WDR62: variants seen among roughly 807,000 people sequenced by gnomAD.
WDR62 encodes WD repeat domain 62, also known as WD repeat-containing protein 62.
Under a neutral mutation model 160.6 loss-of-function variants are expected in WDR62, and 112 were observed. The observed-to-expected ratio is 0.70, with a 90% CI of 0.60 to 0.82. The LOEUF is 0.82. WDR62 is among the 40% of genes least tolerant of loss of function. The pLI is 0.00. For missense variants in WDR62, 1,819 were observed against 1,983.8 expected (o/e 0.92, Z 1.58); for synonymous variants, 792 against 815.1 (o/e 0.97, Z 0.48).
rs186862777 is a variant in WDR62 at position 36,059,917 on chromosome 19, A to T, written c.270-51A>T. The stretch of plus-strand genomic sequence containing the variant: ...TTTCTGGTGGGAATAGAATCATCCC[A>T]GGACCCCAACACTCCCCACAGTTGA... On this transcript the variant is annotated intron_variant, in intron 2 of 31. Coordinates refer to ENST00000401500, the MANE Select transcript of WDR62 (RefSeq NM_001083961.2). The T allele has an allele frequency of 5.5e-5, 87 of 1,596,328 alleles. No individual in the cohort carries two copies. In the Middle Eastern group the frequency reaches 1.5e-3, roughly 27 times the overall value.
At position 36,084,700 on chromosome 19, in the gene WDR62, A is replaced by G. The variant is rs1972100904; in HGVS notation, c.1598A>G (p.His533Arg). 3 of 1,613,840 alleles carry G rather than the reference A, an allele frequency of 1.9e-6. No individual in the cohort carries two copies. Among genetic ancestry groups the G allele is most frequent in the South Asian group, 1.1e-5 (1 of 91,082 alleles). The change falls in exon 12 of 32, where the codon CAT becomes CGT. Residue 533 changes from histidine (H) to arginine (R), a missense_variant. Coordinates refer to ENST00000401500, the MANE Select transcript of WDR62 (RefSeq NM_001083961.2). ...FMDELVKVEAHDAEVLCLEYS... is the reference protein window; with the variant it reads ...FMDELVKVEARDAEVLCLEYS... Reference sequence around the variant, plus strand: ...GACGAGCTGGTCAAGGTGGAGGCCCATGATGCTGAGGTGCTGTGCCTGGAG... The same window carrying G: ...GACGAGCTGGTCAAGGTGGAGGCCCGTGATGCTGAGGTGCTGTGCCTGGAG...
rs776948954 is a variant in WDR62, at chr19:36,068,003, A to C, written c.875A>C (p.Asn292Thr). The C allele has an allele frequency of 1.8e-5, 29 of 1,613,522 alleles. No individual in the cohort carries two copies. The East Asian group carries it at 6.2e-4, about 35-fold the overall frequency. The change falls in exon 7 of 32, where the codon AAC becomes ACC. Residue 292 changes from asparagine (N) to threonine (T), a missense_variant. Asn to Thr is a moderately conservative substitution (Grantham distance 65, BLOSUM62 0). Transcript: ENST00000401500. The stretch of plus-strand genomic sequence containing the variant: ...AAGAGGGTGCTGGAGAAGTGGATCA[A>C]CCTGAAGGTACCACCTCCCTCTCTG... ...NEKRVLEKWI[N>T]LKVSLSSCLC...
chr19:36,093,341 ACTT>A (rs1384185629), intron 19 of WDR62, among the ~76,000 whole-genome samples: 1 of 152,184 alleles, frequency 6.6e-6, no homozygotes, highest in African/African-American at 2.4e-5. Flanking sequence ...AGCTTCACTT[ACTT>A]CTTTGAATCT....
chr19:36,071,343 ATGCCTC>A (rs1971286725), intron 7 of WDR62, among the ~76,000 whole-genome samples: 2 of 152,170 alleles, frequency 1.3e-5, no homozygotes, highest in African/African-American at 4.8e-5. Context: ...GTTTCCGTTC[ATGCCTC>A]TGCCTACCTG....
At chr19:36,094,228 T>C (rs1972816572) in intron 20 of WDR62, 64 bp downstream of exon 20, 1 of 1,603,260 alleles carries the variant, frequency 6.2e-7, no homozygotes, top group Non-Finnish European at 8.5e-7. Context: ...GTTTTGCCCA[T>C]GACCTTGTTT....
At chr19:36,080,681 C>G (rs886254697) in intron 9 of WDR62, among the ~76,000 whole-genome samples, 1 of 151,788 alleles carries the variant, frequency 6.6e-6, no homozygotes, top group Non-Finnish European at 1.5e-5. Context: ...TCTCAAACTC[C>G]TGACCTCAGG....
Position 36,103,042 on chromosome 19 carries a change from G to T in WDR62, c.3430G>T (p.Gly1144Cys). The stretch of plus-strand genomic sequence containing the variant: ...CCGAGGCGGAAGCCAGCCCAGAGCA[G>T]GTACTGGCTACGCCTCCCCAGACAG... The part of the protein sequence containing the change: ...MDRGGSQPRA[G>C]TGYASPDRTH... The change falls in exon 28 of 32, where the codon GGT becomes TGT. Residue 1144 changes from glycine (G) to cysteine (C), a missense_variant. This residue lies in a region of WDR62 where 770 missense variants were observed against 734.2 expected (regional missense o/e 1.05). Coordinates refer to ENST00000401500, the MANE Select transcript of WDR62 (RefSeq NM_001083961.2). 6.2e-7 allele frequency: 1 copy of T among 1,614,142 alleles called. No homozygotes were observed. The highest frequency in any genetic ancestry group is 8.5e-7 in the Non-Finnish European group (1 of 1,180,028).
intron 1 of WDR62, among the ~76,000 whole-genome samples, chr19:36,055,643 A>G (rs1026600416): frequency 6.6e-6 from 1 of 151,812 alleles, no homozygotes; most frequent in African/African-American, 2.4e-5. Flanking sequence ...TTCTTAATCC[A>G]TATTGTCACT....
chr19:36,090,127 G>T (rs1223377109), intron 15 of WDR62, among the ~76,000 whole-genome samples: 1 of 152,218 alleles, frequency 6.6e-6, no homozygotes, highest in Admixed American at 6.5e-5. Context: ...GGAGGATGTG[G>T]AGGAGCGAGC....
At chr19:36,072,847 T>C (rs7245762) in intron 8 of WDR62, among the ~76,000 whole-genome samples, 72,192 of 151,946 alleles carry the variant, frequency 0.48, 18,051 homozygotes, top group African/African-American at 0.62. Flanking sequence ...TAGCTCTTAT[T>C]GTGGTTGTGA....
At chr19:36,090,912 A>T (rs1972560588) in intron 16 of WDR62, among the ~76,000 whole-genome samples, 1 of 152,152 alleles carries the variant, frequency 6.6e-6, no homozygotes, top group Admixed American at 6.5e-5. Flanking sequence ...TGACTGTGTG[A>T]CCTTGGGCAA....
At position 36,102,803 on chromosome 19, in the gene WDR62, G is replaced by A. The variant is rs375813256; in HGVS notation, c.3287G>A (p.Arg1096His). 79 of 1,614,050 alleles carry A rather than the reference G, an allele frequency of 4.9e-5. No homozygotes were observed. Among genetic ancestry groups the A allele is most frequent in the Non-Finnish European group, 6.4e-5 (75 of 1,180,044 alleles). The change falls in exon 27 of 32, where the codon CGC becomes CAC. Residue 1096 changes from arginine to histidine, a missense_variant. Around this residue, in one of 3 missense-constraint regions of WDR62, gnomAD observed 770 missense variants for 734.2 expected, o/e 1.05. Transcript: ENST00000401500. ...GCTGAAGACCACTTCTTCAACCCAC[G>A]CCTGAGTATCTCCACGCAGTTCCTC... ...SEAEDHFFNP[R>H]LSISTQFLSS...
At chr19:36,081,726 C>A in intron 10 of WDR62, 156 bp downstream of exon 10, 3 of 873,806 alleles carry the variant, frequency 3.4e-6, no homozygotes, top group Non-Finnish European at 3.7e-6. Flanking sequence ...GCATCACTGC[C>A]TCTTGTTTCT....
chr19:36,104,671 G>A lies in WDR62; in HGVS notation c.4307G>A (p.Arg1436His), dbSNP rs146018199. 1.6e-5 allele frequency: 26 copies of A among 1,613,956 alleles called. No individual in the cohort carries two copies. The highest frequency in any genetic ancestry group is 9.3e-5 in the African/African-American group (7 of 74,924). ...TTFQEALDLY[R>H]VLVSSGQVDT... ...TTCCAAGAAGCCCTCGACCTTTACC[G>A]TGTGGTGAGCTAAGCCCCAGAGTTG... The change falls in exon 31 of 32, where the codon CGT becomes CAT. Residue 1436 changes from arginine (R) to histidine (H), a missense_variant. By Grantham distance (29) the Arg-to-His change is conservative. Around this residue, in one of 3 missense-constraint regions of WDR62, gnomAD observed 770 missense variants for 734.2 expected, o/e 1.05. Coordinates refer to ENST00000401500, the MANE Select transcript of WDR62 (RefSeq NM_001083961.2).
intron 6 of WDR62, 123 bp downstream of exon 6, chr19:36,067,566 GC>G: frequency 1.4e-6 from 2 of 1,420,988 alleles, no homozygotes; most frequent in Non-Finnish European, 2.0e-6. Context: ...CCTCTCAGGG[GC>G]CCAGCTGCTG....
rs764300096 is a variant in WDR62, at chr19:36,084,704, T to A, written c.1602T>A (p.Asp534Glu). The A allele has an allele frequency of 1.2e-6, 2 of 1,613,790 alleles. No individual in the cohort carries two copies. The highest frequency in any genetic ancestry group is 1.7e-6 in the Non-Finnish European group (2 of 1,179,990). The change falls in exon 12 of 32, where the codon GAT (aspartate) becomes GAA (glutamate). Residue 534 changes from aspartate (D) to glutamate (E), a missense_variant. Physicochemically the swap from Asp to Glu is conservative, Grantham distance 45 (BLOSUM62 2). Around this residue, in one of 3 missense-constraint regions of WDR62, gnomAD observed 934 missense variants for 1,157.2 expected, o/e 0.81. Coordinates refer to ENST00000401500, the MANE Select transcript of WDR62 (RefSeq NM_001083961.2). The part of the protein sequence containing the change: ...MDELVKVEAH[D>E]AEVLCLEYSK... ...AGCTGGTCAAGGTGGAGGCCCATGA[T>A]GCTGAGGTGCTGTGCCTGGAGTACT... is the stretch of plus-strand genomic sequence containing the variant.
At chr19:36,081,707 T>C in intron 10 of WDR62, 137 bp downstream of exon 10, 1 of 1,113,880 alleles carries the variant, frequency 9.0e-7, no homozygotes, top group Non-Finnish European at 1.3e-6. Context: ...CCAAGGCAGG[T>C]CCCTCTCTGC....
chr19:36,104,654 A>G lies in WDR62; in HGVS notation c.4290A>G (p.Glu1430=). ...ILHRLQTTFQ[E]ALDLYRVLVS... is the part of the protein sequence containing the mutation. The stretch of plus-strand genomic sequence containing the variant: ...ACAGGCTGCAGACCACCTTCCAAGA[A>G]GCCCTCGACCTTTACCGTGTGGTGA... The change falls in exon 31 of 32, where the codon GAA becomes GAG. Residue 1430 remains glutamate (E), a synonymous_variant. Transcript: ENST00000401500. 4.3e-6 allele frequency: 7 copies of G among 1,614,092 alleles called. No homozygotes were observed. The highest frequency in any genetic ancestry group is 5.9e-6 in the Non-Finnish European group (7 of 1,180,020).
rs533262483 is a variant in WDR62 at position 36,067,212 on chromosome 19, G to A, written c.562-94G>A. 6.7e-5 allele frequency: 104 copies of A among 1,555,010 alleles called. No individual in the cohort carries two copies. In the East Asian group the frequency reaches 2.0e-3, roughly 31 times the overall value. ...GGTCCCAGGAAGACAGACTTGGAGT[G>A]GGGACGAGCAGGGAGTTCCAGCCTG... On this transcript the variant is annotated intron_variant, in intron 5 of 31. Coordinates refer to ENST00000401500, the MANE Select transcript of WDR62 (RefSeq NM_001083961.2).
Sources: gnomAD v4.1 joint callset for allele counts (sites outside exome capture counted in the v4.1 genomes callset) on GRCh38, gnomAD v4.1.1 for gene constraint, gnomAD v4.1.1 regional missense constraint, MANE v1.5 for transcripts, NCBI Gene and HGNC (gene_info 2026-07-23, HGNC 2026-07-21) for gene names.